PCSK1: variants seen among roughly 807,000 people sequenced by gnomAD.
PCSK1 encodes the protein proprotein convertase subtilisin/kexin type 1, also known as neuroendocrine convertase 1.
PCSK1 carries 56 observed loss-of-function variants against 90.6 expected under a neutral mutation model. The observed-to-expected ratio is 0.62, with a 90% CI of 0.50 to 0.77. PCSK1 has a LOEUF of 0.77. Ranked by LOEUF, PCSK1 falls within the 30% of genes least tolerant of loss-of-function variation. PCSK1 has a pLI of 0.00. For synonymous variants in PCSK1, 348 were observed against 342.4 expected, an observed-to-expected ratio of 1.02 and a Z score of -0.18; for missense variants, 801 against 932.6, an observed-to-expected ratio of 0.86 and a Z score of 1.84.
Position 96,400,067 on chromosome 5 carries a change from A to T in PCSK1, c.1316T>A (p.Phe439Tyr), listed in dbSNP as rs1184782158. ...TTTGGCATTTAGCAAGCCAAATCCA[A>T]ATCGACTATTCACCATCAAGCCTGC... ...NGAGLMVNSR[F>Y]GFGLLNAKAL... Residue 439 changes from phenylalanine (F) to tyrosine (Y), a missense_variant, in exon 10 of 14, where the codon TTT becomes TAT. Physicochemically the swap from Phe to Tyr is conservative, Grantham distance 22. Transcript: ENST00000311106. 1 of 1,614,142 alleles carries T rather than the reference A, an allele frequency of 6.2e-7. No individual in the cohort carries two copies. The highest frequency in any genetic ancestry group is 8.5e-7 in the Non-Finnish European group (1 of 1,179,996).
At chr5:96,399,079 ACTTC>A in intron 10 of PCSK1, 43 bp from the exon 11 acceptor site, 2 of 1,464,306 alleles carry the variant, frequency 1.4e-6, no homozygotes, top group Non-Finnish European at 1.9e-6. Flanking sequence ...GTATATCCAA[ACTTC>A]CTTGCATTTT....
chr5:96,406,913 T>G (rs1441283552), intron 9 of PCSK1, among the ~76,000 whole-genome samples: 1 of 152,182 alleles, frequency 6.6e-6, no homozygotes, highest in Non-Finnish European at 1.5e-5. Flanking sequence ...TGAGGACACA[T>G]AAAAAGCTGT....
At chr5:96,402,722 A>G (rs1413355096) in intron 9 of PCSK1, among the ~76,000 whole-genome samples, 2 of 151,970 alleles carry the variant, frequency 1.3e-5, no homozygotes, top group East Asian at 1.9e-4. Context: ...CAATGCTTTC[A>G]TTTTTGGCTT....
rs78486733 is a variant in PCSK1 at position 96,408,981 on chromosome 5, G to A, written c.1096-658C>T. ...ACTGCTACTTAATAGATTTGTCCTCGGGCAAGTCATTTGGCTCCCCATCTG... is the reference window on the plus strand; with the variant it reads ...ACTGCTACTTAATAGATTTGTCCTCAGGCAAGTCATTTGGCTCCCCATCTG... On this transcript the variant is annotated intron_variant, in intron 8 of 13. Coordinates refer to ENST00000311106, the MANE Select transcript of PCSK1 (RefSeq NM_000439.5). 6.1e-3 allele frequency among the ~76,000 whole-genome samples: 927 copies of A among 152,228 alleles called. 9 individuals are homozygous for A. The highest frequency in any genetic ancestry group is 0.021 in the African/African-American group (890 of 41,530).
In PCSK1 at chr5:96,397,326, T is replaced by G; in HGVS notation, c.1722+10A>C. On this transcript the variant is annotated intron_variant, in intron 12 of 13. Transcript: ENST00000311106. ...AGCTTGTGTTTTTTCATCCTCTCATTCACACTTACCATGTCTGTAATTCTC... is the reference window on the plus strand; with the variant it reads ...AGCTTGTGTTTTTTCATCCTCTCATGCACACTTACCATGTCTGTAATTCTC... 6.2e-7 allele frequency: 1 copy of G among 1,611,946 alleles called. No individual in the cohort carries two copies. The highest frequency in any genetic ancestry group is 8.5e-7 in the Non-Finnish European group (1 of 1,178,186).
Position 96,393,410 on chromosome 5 carries a change from G to A in PCSK1, c.1885-32C>T, listed in dbSNP as rs780863841. Reference sequence around the variant, plus strand: ...CATAGAATGCCATCCACAAAGGGAAGAAGGTTCATTATTTATGGCCAGGCA... The same window carrying A: ...CATAGAATGCCATCCACAAAGGGAAAAAGGTTCATTATTTATGGCCAGGCA... On this transcript the variant is annotated intron_variant, in intron 13 of 13. Coordinates refer to ENST00000311106, the MANE Select transcript of PCSK1 (RefSeq NM_000439.5). 1.5e-5 allele frequency: 24 copies of A among 1,612,510 alleles called. No homozygotes were observed. In the South Asian group the frequency reaches 2.2e-4, roughly 15 times the overall value.
intron 4 of PCSK1, among the ~76,000 whole-genome samples, 189 bp from the exon 5 acceptor site, chr5:96,422,145 T>G (rs989212654): frequency 2.6e-5 from 4 of 152,098 alleles, no homozygotes; most frequent in Non-Finnish European, 5.9e-5. Context: ...GCAGAGATGA[T>G]GAACACAGCC....
intron 6 of PCSK1, among the ~76,000 whole-genome samples, chr5:96,413,658 G>A (rs1353886019): frequency 6.6e-6 from 1 of 151,626 alleles, no homozygotes; most frequent in Non-Finnish European, 1.5e-5. Flanking sequence ...AAATTAGTCA[G>A]GCATGCTGGC....
intron 5 of PCSK1, among the ~76,000 whole-genome samples, chr5:96,416,447 C>G (rs1412143109): frequency 6.6e-6 from 1 of 152,228 alleles, no homozygotes; most frequent in Non-Finnish European, 1.5e-5. Flanking sequence ...AGTAAGAACA[C>G]AGTGAGTGTT....
intron 2 of PCSK1, among the ~76,000 whole-genome samples, chr5:96,427,820 C>T (rs13153972): frequency 2.6e-5 from 4 of 152,232 alleles, no homozygotes; most frequent in Middle Eastern, 3.4e-3. Context: ...CTGCTTAGCC[C>T]GGGGACTAAG....
At chr5:96,399,924 A>G (rs1282441996) in intron 10 of PCSK1, 29 bp downstream of exon 10, 9 of 1,513,194 alleles carry the variant, frequency 5.9e-6, no homozygotes, top group Non-Finnish European at 8.3e-6. Flanking sequence ...ATGGGCACAC[A>G]TGTGTTTAAA....
chr5:96,391,950 T>C lies in PCSK1; in HGVS notation c.*1051A>G, dbSNP rs1037803172. On this transcript the variant is annotated 3_prime_UTR_variant, in exon 14 of 14. Coordinates refer to ENST00000311106, the MANE Select transcript of PCSK1 (RefSeq NM_000439.5). ...AATTTGGACACTATCAGTGATAGGA[T>C]TGGAGAAGAACTTTTAGTATCAAGG... is the stretch of plus-strand genomic sequence containing the variant. 6 of 152,198 alleles carry C rather than the reference T, an allele frequency of 3.9e-5. No individual in the cohort carries two copies. The highest frequency in any genetic ancestry group is 1.2e-4 in the African/African-American group (5 of 41,440). 9.4% of individuals were successfully genotyped at this position (152,198 alleles called of 1,614,324 possible).
At chr5:96,395,414 C>A (rs939989955) in intron 12 of PCSK1, among the ~76,000 whole-genome samples, 1 of 152,122 alleles carries the variant, frequency 6.6e-6, no homozygotes, top group South Asian at 2.1e-4. Context: ...CATTAATAAG[C>A]CCTTAAAAAT....
In PCSK1 at chr5:96,400,115, T is replaced by C. The variant is rs1561364344; in HGVS notation, c.1268A>G (p.Asn423Ser). 2 of 1,614,130 alleles carry C rather than the reference T, an allele frequency of 1.2e-6. No individual in the cohort carries two copies. Among genetic ancestry groups the C allele is most frequent in the African/African-American group, 2.7e-5 (2 of 75,038 alleles). The change falls in exon 10 of 14, where the codon AAC (asparagine) becomes AGC (serine). Residue 423 changes from asparagine (N) to serine (S), a missense_variant. Coordinates refer to ENST00000311106, the MANE Select transcript of PCSK1 (RefSeq NM_000439.5). ...WTSEYDPLAN[N>S]PGWKKNGAGL... Reference sequence around the variant, plus strand: ...TGCTCCATTCTTTTTCCATCCAGGGTTATTGGCCAGCGGGTCATACTCAGA... The same window carrying C: ...TGCTCCATTCTTTTTCCATCCAGGGCTATTGGCCAGCGGGTCATACTCAGA...
intron 13 of PCSK1, 102 bp downstream of exon 13, chr5:96,394,762 A>G (rs1422569410): frequency 1.3e-5 from 13 of 987,608 alleles, no homozygotes; most frequent in African/African-American, 1.3e-4. Flanking sequence ...CTCCCCATCC[A>G]TGTTTGACTT....
chr5:96,406,183 T>C (rs1461294827), intron 9 of PCSK1, among the ~76,000 whole-genome samples: 1 of 152,184 alleles, frequency 6.6e-6, no homozygotes, highest in Non-Finnish European at 1.5e-5. Context: ...CCCTTCATTT[T>C]ATAGATGGAA....
At chr5:96,425,029 AAAGAAAGAAAG>A (rs1761251189) in intron 3 of PCSK1, among the ~76,000 whole-genome samples, 1 of 87,220 alleles carries the variant, frequency 1.1e-5, no homozygotes, top group Non-Finnish European at 2.7e-5. Context: ...AGAAAGAAAG[AAAGAAAGAAAG>A]AAAGAAAGAA....
intron 6 of PCSK1, among the ~76,000 whole-genome samples, chr5:96,412,752 G>GTTTTTTTTTTTCTTTT (rs1760803350): frequency 1.4e-5 from 1 of 71,832 alleles, no homozygotes; most frequent in African/African-American, 9.0e-5. Context: ...CAGCTGTGAT[G>GTTTTTTTTTTTCTTTT]TTTTTTTTTT....
intron 12 of PCSK1, among the ~76,000 whole-genome samples, chr5:96,395,828 CA>C (rs1410369720): frequency 2.2e-5 from 2 of 91,630 alleles, no homozygotes; most frequent in African/African-American, 1.3e-4. Flanking sequence ...AGTTCAATGA[CA>C]AAAAATAAAT....
Sources: allele counts gnomAD v4.1 joint callset (sites outside exome capture counted in the v4.1 genomes callset), GRCh38; gene constraint gnomAD v4.1.1; transcripts MANE v1.5; gene names NCBI Gene and HGNC (gene_info 2026-07-23, HGNC 2026-07-21).